The following SPATA19 variants were observed in gnomAD, a reference collection of about 807,000 sequenced individuals.
SPATA19 encodes the protein spermatogenesis-associated protein 19, mitochondrial.
A neutral mutation model predicts 25.0 loss-of-function variants in SPATA19; 19 were observed. That is an observed-to-expected ratio of 0.76 (90% CI 0.53 to 1.11). The LOEUF (loss-of-function observed/expected upper bound fraction) is 1.11, where lower values mean the gene tolerates loss of function less well. Ranked by LOEUF, SPATA19 falls within the 50% of genes most tolerant of loss-of-function variation. SPATA19 has a pLI of 0.00. For synonymous variants in SPATA19, 64 were observed against 69.3 expected (o/e 0.92, Z 0.38); for missense variants, 222 against 211.4 (o/e 1.05, Z -0.31).
chr11:133,836,129 C>T (rs1938208037), downstream of SPATA19, among the ~76,000 whole-genome samples: 1 of 152,204 alleles, frequency 6.6e-6, no homozygotes, highest in Admixed American at 6.5e-5. Flanking sequence ...CCCCCATGCC[C>T]CCTCTCACTC....
At chr11:133,841,944 T>C in intron 6 of SPATA19, 86 bp downstream of exon 6, 1 of 1,306,334 alleles carries the variant, frequency 7.7e-7, no homozygotes, top group East Asian at 2.3e-5. Flanking sequence ...TAAGCCTCTT[T>C]ACCAAGTTCC....
Position 133,845,147 on chromosome 11 carries a change from T to A in SPATA19, c.122A>T (p.His41Leu). The A allele has an allele frequency of 1.2e-6, 2 of 1,613,770 alleles. No individual in the cohort carries two copies. The highest frequency in any genetic ancestry group is 1.7e-6 in the Non-Finnish European group (2 of 1,179,872). ...VESEAVSVLH[H>L]WLKKTEEEAS... is the part of the protein sequence containing the mutation. ...AATCTTACTCACTTTTTTCAACCAA[T>A]GATGTAGTACAGACACAGCCTCACT... The change falls in exon 2 of 7, where the codon CAT becomes CTT. Residue 41 changes from histidine to leucine, a missense_variant. By Grantham distance (99) the His-to-Leu change is moderately conservative. Coordinates refer to ENST00000299140, the MANE Select transcript of SPATA19 (RefSeq NM_174927.3).
downstream of SPATA19, among the ~76,000 whole-genome samples, chr11:133,837,889 A>G (rs770759396): frequency 2.6e-5 from 4 of 152,154 alleles, no homozygotes; most frequent in Non-Finnish European, 5.9e-5. Flanking sequence ...CTCAGACTCT[A>G]TTTAAGAAGG....
At position 133,842,061 on chromosome 11, in the gene SPATA19, C is replaced by T. The variant is rs146859197; in HGVS notation, c.482G>A (p.Arg161Lys). ...CTCTCAGCAGTCTGAGGAGGAGGGT[C>T]TCATACTGAAGTCCTGAGCTGAGAC... ...TDVSAQDFSM[R>K]PSSSDC Residue 161 changes from arginine (R) to lysine (K), a missense_variant, in exon 6 of 7, where the codon AGA (arginine) becomes AAA (lysine). Arg to Lys is a conservative substitution (Grantham distance 26). Coordinates refer to ENST00000299140, the MANE Select transcript of SPATA19 (RefSeq NM_174927.3). 2.4e-5 allele frequency: 39 copies of T among 1,614,064 alleles called. 1 individual carries two copies. The East Asian group carries it at 8.7e-4, about 36-fold the overall frequency.
rs115634489 is a variant in SPATA19, at chr11:133,843,088, G to A, written c.360-526C>T. On this transcript the variant is annotated intron_variant, in intron 4 of 6. Transcript: ENST00000299140. Reference sequence around the variant, plus strand: ...GGGGACACCAAAACCAGTGGGTTGTGGGGGGAGATAGGCGGAGGCTTTTGG... The same window carrying A: ...GGGGACACCAAAACCAGTGGGTTGTAGGGGGAGATAGGCGGAGGCTTTTGG... Among the ~76,000 whole-genome samples, 484 of 152,272 alleles carry A rather than the reference G, an allele frequency of 3.2e-3. 3 individuals are homozygous for A. The highest frequency in any genetic ancestry group is 0.01 in the African/African-American group (436 of 41,560).
chr11:133,844,921 G>A (rs1052921246), intron 2 of SPATA19, among the ~76,000 whole-genome samples: 4 of 152,146 alleles, frequency 2.6e-5, no homozygotes, highest in Admixed American at 6.5e-5. Context: ...GAAGCAGGAC[G>A]GCGTTAGTGG....
At chr11:133,836,165 G>C (rs1321852890), downstream of SPATA19, among the ~76,000 whole-genome samples, 1 of 152,148 alleles carries the variant, frequency 6.6e-6, no homozygotes, top group East Asian at 1.9e-4. Context: ...GCCAGAATAG[G>C]TTTTTGGTGT....
downstream of SPATA19, among the ~76,000 whole-genome samples, chr11:133,838,901 A>G (rs1361456504): frequency 5.9e-5 from 9 of 152,236 alleles, no homozygotes; most frequent in Non-Finnish European, 1.2e-4. Context: ...AAAAGAAGAC[A>G]TTTATGCAGC....
intron 6 of SPATA19, among the ~76,000 whole-genome samples, chr11:133,841,222 C>T (rs1043799075): frequency 2.0e-5 from 3 of 152,164 alleles, no homozygotes; most frequent in Non-Finnish European, 2.9e-5. Flanking sequence ...CATCTGCTCC[C>T]GGGCTTGACT....
intron 4 of SPATA19, among the ~76,000 whole-genome samples, chr11:133,843,073 A>G (rs1460878184): frequency 6.6e-6 from 1 of 152,196 alleles, no homozygotes; most frequent in African/African-American, 2.4e-5. Flanking sequence ...GGGGACACCA[A>G]AACCAGTGGG....
chr11:133,844,827 G>C lies in SPATA19; in HGVS notation c.136-187C>G, dbSNP rs574177777. ...CTGTAAAGTCCTCAGAACTCCCTAA[G>C]TCCCTGGCCCTATCCCAAGGTGTTC... is the stretch of plus-strand genomic sequence containing the variant. On this transcript the variant is annotated intron_variant, in intron 2 of 6. Coordinates refer to ENST00000299140, the MANE Select transcript of SPATA19 (RefSeq NM_174927.3). Among the ~76,000 whole-genome samples, 8 of 152,234 alleles carry C rather than the reference G, an allele frequency of 5.3e-5. No homozygotes were observed. The East Asian group carries it at 9.7e-4, about 18-fold the overall frequency.
In SPATA19 at chr11:133,845,348, G is replaced by C. The variant is rs749796784; in HGVS notation, c.78+21C>G. Reference sequence around the variant, plus strand: ...AGATATATGAAAAATTATTCCATGTGACTACCACCAAGCTGCTTACCGAAC... The same window carrying C: ...AGATATATGAAAAATTATTCCATGTCACTACCACCAAGCTGCTTACCGAAC... On this transcript the variant is annotated intron_variant, in intron 1 of 6. Transcript: ENST00000299140. 13 of 1,581,258 alleles carry C rather than the reference G, an allele frequency of 8.2e-6. 1 individual carries two copies. The East Asian group carries it at 2.9e-4, about 35-fold the overall frequency.
At chr11:133,842,698 C>G in intron 4 of SPATA19, 136 bp from the exon 5 acceptor site, 1 of 721,588 alleles carries the variant, frequency 1.4e-6, no homozygotes, top group Non-Finnish European at 2.4e-6. Context: ...TGGTCTCTCC[C>G]CCTTCTTGAC....
intron 6 of SPATA19, 111 bp from the exon 7 acceptor site, chr11:133,841,034 C>T (rs1938295157): frequency 1.3e-5 from 2 of 152,200 alleles, no homozygotes; most frequent in South Asian, 2.1e-4. Flanking sequence ...GTGTACCCTC[C>T]CAGCACTTCC....
At chr11:133,836,344 G>T (rs906617413), downstream of SPATA19, among the ~76,000 whole-genome samples, 1 of 152,294 alleles carries the variant, frequency 6.6e-6, no homozygotes, top group Admixed American at 6.5e-5. Flanking sequence ...GAAAGGTGGT[G>T]GGGAGAGAAA....
At chr11:133,842,616 A>T in intron 4 of SPATA19, 54 bp from the exon 5 acceptor site, 1 of 1,341,966 alleles carries the variant, frequency 7.5e-7, no homozygotes, top group Non-Finnish European at 1.1e-6. Context: ...CTTTCTTAAC[A>T]GGCATAGAGA....
chr11:133,839,368 A>C (rs560240605), downstream of SPATA19, among the ~76,000 whole-genome samples: 415 of 152,320 alleles, frequency 2.7e-3, 2 homozygotes, highest in African/African-American at 9.1e-3. Flanking sequence ...ATGATGAGTT[A>C]ATGTCCTTTG....
At chr11:133,844,120 C>G in intron 4 of SPATA19, 126 bp downstream of exon 4, 1 of 774,562 alleles carries the variant, frequency 1.3e-6, no homozygotes, top group East Asian at 2.5e-5. Context: ...GACCCCAAAG[C>G]AAGGCTGAGG....
At position 133,844,175 on chromosome 11, in the gene SPATA19, G is replaced by A. The variant is rs1238196094; in HGVS notation, c.359+71C>T. The A allele has an allele frequency of 2.4e-6, 3 of 1,260,228 alleles. No individual in the cohort carries two copies. The African/African-American group carries it at 4.4e-5, about 19-fold the overall frequency. The allele number at this position is 1,260,228 out of a possible 1,614,324, so 78.1% of individuals were successfully genotyped here. ...ACATCTCTAGAGAAGAGCATCTGAG[G>A]GTTCGTGAAGAGAGGGGCTTGCGCA... On this transcript the variant is annotated intron_variant, in intron 4 of 6. Transcript: ENST00000299140.
Sources: gnomAD v4.1 joint callset for allele counts (sites outside exome capture counted in the v4.1 genomes callset) on GRCh38, gnomAD v4.1.1 for gene constraint, MANE v1.5 for transcripts, NCBI Gene and HGNC (gene_info 2026-07-23, HGNC 2026-07-21) for gene names.